SLC10A7: variants seen among roughly 807,000 people sequenced by gnomAD.
SLC10A7 encodes the protein solute carrier family 10 member 7.
Under a neutral mutation model 43.2 loss-of-function variants are expected in SLC10A7, and 29 were observed. The ratio of observed to expected loss-of-function variants is 0.67; its 90% CI spans 0.50 to 0.92. The LOEUF is 0.92. SLC10A7 is among the 40% of genes least tolerant of loss of function. SLC10A7 has a pLI of 0.00. For synonymous variants in SLC10A7, 152 were observed against 144.8 expected (o/e 1.05, Z -0.35); for missense variants, 295 against 403.2 (o/e 0.73, Z 2.30).
At chr4:146,474,080 T>C (rs1192548804) in intron 4 of SLC10A7, among the ~76,000 whole-genome samples, 1 of 151,776 alleles carries the variant, frequency 6.6e-6, no homozygotes, top group Non-Finnish European at 1.5e-5. Context: ...CCTCCTTATG[T>C]TGAAGAAAGT....
chr4:146,296,142 GT>G (rs1396186064), intron 7 of SLC10A7, among the ~76,000 whole-genome samples: 1 of 152,110 alleles, frequency 6.6e-6, no homozygotes, highest in African/African-American at 2.4e-5. Context: ...AAAATGTGTA[GT>G]GTTTGCATAT....
At chr4:146,289,092 A>G (rs1331370827) in intron 9 of SLC10A7, among the ~76,000 whole-genome samples, 1 of 152,048 alleles carries the variant, frequency 6.6e-6, no homozygotes, top group Non-Finnish European at 1.5e-5. Flanking sequence ...TTCTTTGTTA[A>G]CCTCTGTACC....
intron 5 of SLC10A7, chr4:146,442,471 T>C: frequency 9.2e-7 from 1 of 1,090,060 alleles, no homozygotes; most frequent in Non-Finnish European, 1.1e-6. Flanking sequence ...AAAATAATAA[T>C]AATCTAAAAG....
intron 5 of SLC10A7, among the ~76,000 whole-genome samples, chr4:146,403,533 C>G (rs1007890856): frequency 5.9e-5 from 9 of 152,144 alleles, no homozygotes; most frequent in African/African-American, 1.9e-4. Context: ...TCAGTTCCAG[C>G]TAACTACCCA....
chr4:146,378,181 G>A (rs956254082), intron 5 of SLC10A7, among the ~76,000 whole-genome samples: 1 of 152,206 alleles, frequency 6.6e-6, no homozygotes, highest in African/African-American at 2.4e-5. Flanking sequence ...TTAAGAGTCT[G>A]CTACTTTGCT....
At chr4:146,287,649 T>G (rs923182030) in intron 9 of SLC10A7, among the ~76,000 whole-genome samples, 4 of 152,180 alleles carry the variant, frequency 2.6e-5, no homozygotes, top group African/African-American at 9.6e-5. Context: ...AAAACTTCCA[T>G]GCAGGAGTGA....
chr4:146,256,805 A>G, intron 11 of SLC10A7: 1 of 1,496,084 alleles, frequency 6.7e-7, no homozygotes, highest in Non-Finnish European at 9.0e-7. Flanking sequence ...TGTGCAAAGC[A>G]GAGGAGGCAC....
chr4:146,349,516 T>A (rs1208792037), intron 5 of SLC10A7, among the ~76,000 whole-genome samples: 2 of 152,004 alleles, frequency 1.3e-5, no homozygotes, highest in Non-Finnish European at 2.9e-5. Flanking sequence ...TGGGCATACA[T>A]CCAAAAGAAA....
intron 4 of SLC10A7, among the ~76,000 whole-genome samples, chr4:146,443,226 A>C (rs1730748276): frequency 2.1e-4 from 10 of 47,314 alleles, no homozygotes; most frequent in Admixed American, 2.1e-3. Context: ...GACAAACATT[A>C]ATTGCTGTCA....
intron 5 of SLC10A7, among the ~76,000 whole-genome samples, chr4:146,333,978 C>T (rs558355577): frequency 3.9e-5 from 6 of 152,094 alleles, no homozygotes; most frequent in South Asian, 2.1e-4. Context: ...AGATTCAAAA[C>T]GTATTTGAAA....
chr4:146,322,832 C>T (rs183907758), intron 6 of SLC10A7, among the ~76,000 whole-genome samples: 1 of 152,236 alleles, frequency 6.6e-6, no homozygotes, highest in East Asian at 1.9e-4. Context: ...GTTTACCATC[C>T]CACCAACAGT....
Position 146,256,326 on chromosome 4 carries a change from C to T in SLC10A7, c.*165G>A, listed in dbSNP as rs565446070. On this transcript the variant is annotated 3_prime_UTR_variant, in exon 12 of 12. Transcript: ENST00000335472. ...TCAACAAAGCATATTTTGGAAATAA[C>T]GCTCTTGTCAAATACATTTTAAGGC... is the stretch of plus-strand genomic sequence containing the variant. 2.6e-5 allele frequency: 17 copies of T among 647,738 alleles called. No individual in the cohort carries two copies. The highest frequency in any genetic ancestry group is 1.0e-4 in the South Asian group (5 of 50,138). 40.1% of individuals were successfully genotyped at this position (647,738 alleles called of 1,614,324 possible). A position where few individuals can be genotyped will look rare whatever the true frequency, so the allele number is the denominator to read the frequency against.
intron 5 of SLC10A7, among the ~76,000 whole-genome samples, chr4:146,364,326 G>T (rs1459144015): frequency 6.6e-6 from 1 of 151,914 alleles, no homozygotes. Context: ...CAAACACAAA[G>T]AATGAGATCA....
At position 146,380,539 on chromosome 4, in the gene SLC10A7, T is replaced by C. The variant is rs569455583; in HGVS notation, c.436-54543A>G. Among the ~76,000 whole-genome samples the C allele has an allele frequency of 3.0e-4, 45 of 152,314 alleles. No homozygotes were observed. The South Asian group carries it at 3.3e-3, about 11-fold the overall frequency. On this transcript the variant is annotated intron_variant, in intron 5 of 11. Coordinates refer to ENST00000335472, the MANE Select transcript of SLC10A7 (RefSeq NM_001029998.6). ...TAAAAGCGATTCAGTTCACTGCATA[T>C]ACTTATTTTATTTTCAATTCAAAAA...
chr4:146,308,672 A>G (rs1731752299), intron 6 of SLC10A7, among the ~76,000 whole-genome samples: 1 of 152,098 alleles, frequency 6.6e-6, no homozygotes, highest in South Asian at 2.1e-4. Flanking sequence ...AGTGCCCTGG[A>G]CTTCATTGAG....
At chr4:146,401,629 T>G (rs1275615620) in intron 5 of SLC10A7, among the ~76,000 whole-genome samples, 1 of 152,128 alleles carries the variant, frequency 6.6e-6, no homozygotes, top group East Asian at 1.9e-4. Flanking sequence ...CTGAGTTGCC[T>G]GTGGATGAGG....
intron 5 of SLC10A7, among the ~76,000 whole-genome samples, chr4:146,398,672 C>G (rs1449795423): frequency 6.6e-6 from 1 of 152,108 alleles, no homozygotes; most frequent in Non-Finnish European, 1.5e-5. Flanking sequence ...TAAAATGTGG[C>G]TTTGTAAAGG....
At chr4:146,485,274 C>T (rs1560954298) in intron 4 of SLC10A7, among the ~76,000 whole-genome samples, 1 of 152,148 alleles carries the variant, frequency 6.6e-6, no homozygotes, top group Non-Finnish European at 1.5e-5. Flanking sequence ...CCATCTATCT[C>T]CTTGGCTTTT....
chr4:146,408,999 AG>A (rs1419586680), intron 5 of SLC10A7, among the ~76,000 whole-genome samples: 2 of 152,160 alleles, frequency 1.3e-5, no homozygotes, highest in Non-Finnish European at 2.9e-5. Context: ...CACACATTCA[AG>A]GGTTATAGTT....
Sources: gnomAD v4.1 joint callset for allele counts (sites outside exome capture counted in the v4.1 genomes callset) on GRCh38, gnomAD v4.1.1 for gene constraint, MANE v1.5 for transcripts, NCBI Gene and HGNC (gene_info 2026-07-23, HGNC 2026-07-21) for gene names.